FBXO3: variants seen among roughly 807,000 people sequenced by gnomAD.
The protein encoded by FBXO3 is F-box protein 3.
FBXO3 carries 17 observed loss-of-function variants against 64.8 expected under a neutral mutation model. The observed-to-expected ratio is 0.26, with a 90% confidence interval of 0.18 to 0.39. FBXO3 has a LOEUF of 0.39. Among genes scored for constraint, FBXO3 ranks in the 10% least tolerant of loss-of-function variants. The probability of loss-of-function intolerance (pLI) is 1.00; values close to 1 mark genes in which losing one functional copy is unlikely to be tolerated. For missense variants in FBXO3, 420 were observed against 589.9 expected (o/e 0.71, Z 2.98); for synonymous variants, 182 against 201.6 (o/e 0.90, Z 0.82).
Position 33,770,830 on chromosome 11 carries a change from G to C in FBXO3, c.105C>G (p.Asn35Lys). 1 of 1,594,766 alleles carries C rather than the reference G, an allele frequency of 6.3e-7. No homozygotes were observed. Among genetic ancestry groups the C allele is most frequent in the Non-Finnish European group, 8.6e-7 (1 of 1,166,690 alleles). ...TAAGTCTTCGACTGACATAACAACA[G>C]CTGGCAGTAACCAGATTCACCGATA... is the stretch of plus-strand genomic sequence containing the variant. ...LSFLDYRDLI[N>K]CCYVSRRLSQ... Residue 35 changes from asparagine (N) to lysine (K), a missense_variant and splice_region_variant, in exon 2 of 11, where the codon AAC becomes AAG. Transcript: ENST00000265651.
intron 3 of FBXO3, among the ~76,000 whole-genome samples, chr11:33,761,941 T>C (rs925651444): frequency 1.3e-5 from 2 of 152,348 alleles, no homozygotes; most frequent in African/African-American, 4.8e-5. Context: ...CAGTCCCTTT[T>C]AAAGGCTCAT....
intron 10 of FBXO3, 32 bp from the exon 11 acceptor site, chr11:33,742,116 G>C (rs770853568): frequency 6.7e-7 from 1 of 1,488,326 alleles, no homozygotes; most frequent in Non-Finnish European, 8.9e-7. Context: ...TTGATAAGAA[G>C]AGCATCTATC....
intron 2 of FBXO3, among the ~76,000 whole-genome samples, chr11:33,769,297 T>C (rs1172280759): frequency 6.6e-6 from 1 of 152,176 alleles, no homozygotes; most frequent in East Asian, 1.9e-4. Flanking sequence ...TAATAACGTA[T>C]AAATTTCAAC....
chr11:33,747,142 A>G lies in FBXO3; in HGVS notation c.1227T>C (p.Ser409=), dbSNP rs1854833274. 6.2e-7 allele frequency: 1 copy of G among 1,609,676 alleles called. No homozygotes were observed. Among genetic ancestry groups the G allele is most frequent in the South Asian group, 1.1e-5 (1 of 90,424 alleles). The part of the protein sequence containing the change: ...FHMACPTFRV[S]IARLEMGPDE... The stretch of plus-strand genomic sequence containing the variant: ...AAATTTAACTTACCAATCGGGCTAT[A>G]GACACCCTGAATGTTGGACATGCCA... The change falls in exon 10 of 11, where the codon TCT becomes TCC. Residue 409 remains serine (S), a synonymous_variant. Transcript: ENST00000265651.
intron 1 of FBXO3, chr11:33,774,139 A>AC (rs1855580161): frequency 2.4e-6 from 1 of 418,514 alleles, no homozygotes; most frequent in African/African-American, 2.2e-5. Flanking sequence ...AGTGGGCCTC[A>AC]CCGAGGCCTG....
At chr11:33,770,303 C>T (rs181702921) in intron 2 of FBXO3, among the ~76,000 whole-genome samples, 1 of 152,324 alleles carries the variant, frequency 6.6e-6, no homozygotes, top group Non-Finnish European at 1.5e-5. Context: ...GAAAAGATAT[C>T]AGCATTCCTA....
chr11:33,773,102 C>T (rs1855550472), intron 1 of FBXO3: 1 of 151,820 alleles, frequency 6.6e-6, no homozygotes. Context: ...TCCTGGAGGA[C>T]CTTAGATATA....
chr11:33,757,125 C>G, intron 4 of FBXO3: 1 of 515,842 alleles, frequency 1.9e-6, no homozygotes, highest in South Asian at 1.4e-5. Flanking sequence ...TGTAACAGAG[C>G]CTCACATGAT....
In FBXO3 at chr11:33,754,458, T is replaced by C. The variant is rs771696208; in HGVS notation, c.721A>G (p.Ile241Val). The C allele has an allele frequency of 1.3e-5, 21 of 1,584,394 alleles. No homozygotes were observed. Among genetic ancestry groups the C allele is most frequent in the South Asian group, 5.9e-5 (5 of 84,426 alleles). ...AAAAGACTTTTTTCTTTCCTACCTA[T>C]AATAAACATGTCAATAGCAGCTGGA... ...RNPAAIDMFI[I>V]GATFTDWFTS... Residue 241 changes from isoleucine (I) to valine (V), a missense_variant, in exon 6 of 11, where the codon ATA (isoleucine) becomes GTA (valine). Coordinates refer to ENST00000265651, the MANE Select transcript of FBXO3 (RefSeq NM_012175.4).
At chr11:33,767,242 A>G (rs1855395223) in intron 3 of FBXO3, among the ~76,000 whole-genome samples, 1 of 152,134 alleles carries the variant, frequency 6.6e-6, no homozygotes, top group Non-Finnish European at 1.5e-5. Context: ...TCTGCTCTAT[A>G]TCCAAATCCT....
rs372130031 is a variant in FBXO3, at chr11:33,757,023, C to T, written c.474-1048G>A. 151 of 518,846 alleles carry T rather than the reference C, an allele frequency of 2.9e-4. No individual in the cohort carries two copies. In the East Asian group the frequency reaches 7.6e-3, roughly 26 times the overall value. 32.1% of individuals were successfully genotyped at this position (518,846 alleles called of 1,614,324 possible). A position where few individuals can be genotyped will look rare whatever the true frequency, so the allele number is the denominator to read the frequency against. ...CTAGTTTCAGGTGTGAGCGACCACACCCTGCCCCCAAGATTTGACTTCTGA... is the reference window on the plus strand; with the variant it reads ...CTAGTTTCAGGTGTGAGCGACCACATCCTGCCCCCAAGATTTGACTTCTGA... On this transcript the variant is annotated intron_variant, in intron 4 of 10. Coordinates refer to ENST00000265651, the MANE Select transcript of FBXO3 (RefSeq NM_012175.4).
rs1392542806 is a variant in FBXO3 at position 33,750,519 on chromosome 11, A to G, written c.932+20T>C. The G allele has an allele frequency of 6.2e-7, 1 of 1,613,168 alleles. No individual in the cohort carries two copies. The highest frequency in any genetic ancestry group is 1.3e-5 in the African/African-American group (1 of 75,028). ...ATATCCCACCATTAACTGAAAGGTG[A>G]CCCCATTTAAAATTCTCACCTGATT... On this transcript the variant is annotated intron_variant, in intron 8 of 10. Coordinates refer to ENST00000265651, the MANE Select transcript of FBXO3 (RefSeq NM_012175.4).
intron 8 of FBXO3, 74 bp from the exon 9 acceptor site, chr11:33,748,966 C>A: frequency 2.4e-6 from 2 of 820,844 alleles, no homozygotes; most frequent in South Asian, 2.2e-5. Flanking sequence ...ATACAGTATT[C>A]AGGCTAATAC....
intron 7 of FBXO3, among the ~76,000 whole-genome samples, chr11:33,751,042 T>C (rs1854943411): frequency 6.6e-6 from 1 of 152,348 alleles, no homozygotes; most frequent in Admixed American, 6.5e-5. Context: ...GCAAGTATGC[T>C]GTTCTCAGAA....
chr11:33,761,798 C>T (rs1855250732), intron 3 of FBXO3, among the ~76,000 whole-genome samples: 1 of 152,126 alleles, frequency 6.6e-6, no homozygotes, highest in South Asian at 2.1e-4. Flanking sequence ...AATTCAATTC[C>T]TTAGGACTGA....
intron 6 of FBXO3, 88 bp from the exon 7 acceptor site, chr11:33,751,695 T>G: frequency 1.5e-6 from 1 of 663,728 alleles, no homozygotes; most frequent in Non-Finnish European, 2.5e-6. Flanking sequence ...CTCTATGCTT[T>G]AGAATGTGAT....
At chr11:33,750,929 A>G (rs929789874) in intron 7 of FBXO3, among the ~76,000 whole-genome samples, 1 of 152,194 alleles carries the variant, frequency 6.6e-6, no homozygotes. Flanking sequence ...TGGAAACAAA[A>G]ATGAGCTTAT....
At chr11:33,751,675 A>G (rs1383560955) in intron 6 of FBXO3, 68 bp from the exon 7 acceptor site, 24 of 863,796 alleles carry the variant, frequency 2.8e-5, no homozygotes, top group Non-Finnish European at 4.2e-5. Flanking sequence ...ACAGGAAACA[A>G]TTGTAATTCC....
intron 9 of FBXO3, 48 bp downstream of exon 9, chr11:33,748,729 A>G (rs761424343): frequency 3.2e-6 from 4 of 1,231,572 alleles, no homozygotes; most frequent in Non-Finnish European, 4.7e-6. Context: ...AAAGTCTAAC[A>G]TTTCTTCTAA....
Sources: allele counts gnomAD v4.1 joint callset (sites outside exome capture counted in the v4.1 genomes callset), GRCh38; gene constraint gnomAD v4.1.1; transcripts MANE v1.5; gene names NCBI Gene and HGNC (gene_info 2026-07-23, HGNC 2026-07-21).